Variants in KDM4C observed in about 807,000 individuals in gnomAD.
The protein encoded by KDM4C is lysine-specific demethylase 4C.
Under a neutral mutation model 129.3 loss-of-function variants are expected in KDM4C, and 81 were observed. The observed-to-expected ratio is 0.63, with a 90% CI of 0.52 to 0.75. The LOEUF is 0.75. Among genes scored for constraint, KDM4C ranks in the 30% least tolerant of loss-of-function variants. The probability of loss-of-function intolerance (pLI) is 0.00; values close to 1 mark genes in which losing one functional copy is unlikely to be tolerated. For synonymous variants in KDM4C, 573 were observed against 456.1 expected, an observed-to-expected ratio of 1.26 and a Z score of -3.26; for missense variants, 1,457 against 1,304.0, an observed-to-expected ratio of 1.12 and a Z score of -1.81.
intron 8 of KDM4C, among the ~76,000 whole-genome samples, chr9:6,909,836 G>A (rs1818954454): frequency 6.6e-6 from 1 of 152,114 alleles, no homozygotes; most frequent in African/African-American, 2.4e-5. Context: ...AGAAAATATA[G>A]GGGAGTATTT....
At chr9:6,929,683 ACT>A (rs1436557888) in intron 8 of KDM4C, among the ~76,000 whole-genome samples, 1 of 151,668 alleles carries the variant, frequency 6.6e-6, no homozygotes, top group Non-Finnish European at 1.5e-5. Context: ...GGTTGAGGTC[ACT>A]CTGCTGGAGT....
chr9:7,049,012 C>A (rs1313548856), intron 16 of KDM4C, 80 bp from the exon 17 acceptor site: 5 of 873,110 alleles, frequency 5.7e-6, no homozygotes, highest in East Asian at 4.9e-5. Flanking sequence ...TATTTCCCAT[C>A]TGTGAGAACT....
chr9:6,982,442 A>G (rs554664369), intron 9 of KDM4C: 3 of 152,332 alleles, frequency 2.0e-5, no homozygotes, highest in Non-Finnish European at 4.4e-5. Context: ...AATAGAATAA[A>G]AAGTATTATA....
intron 4 of KDM4C, among the ~76,000 whole-genome samples, chr9:6,828,891 T>C (rs1304563882): frequency 1.3e-5 from 2 of 152,058 alleles, no homozygotes; most frequent in Admixed American, 6.6e-5. Flanking sequence ...AAAATTGGGT[T>C]GGATAGGATG....
chr9:6,987,332 C>T (rs1393699159), intron 11 of KDM4C, among the ~76,000 whole-genome samples: 1 of 152,198 alleles, frequency 6.6e-6, no homozygotes, highest in Non-Finnish European at 1.5e-5. Context: ...TATTTAGCTT[C>T]CCATTGTGAC....
chr9:6,743,332 C>T (rs1163356785), intron 1 of KDM4C, among the ~76,000 whole-genome samples: 1 of 152,142 alleles, frequency 6.6e-6, no homozygotes, highest in African/African-American at 2.4e-5. Context: ...CTATAACCAG[C>T]ACCCCGCACA....
At chr9:6,767,687 C>T (rs1820920037) in intron 1 of KDM4C, among the ~76,000 whole-genome samples, 1 of 152,146 alleles carries the variant, frequency 6.6e-6, no homozygotes, top group Non-Finnish European at 1.5e-5. Flanking sequence ...TCTTGAAGTC[C>T]TGACCTCAGG....
At chr9:6,903,037 C>A (rs1817671115) in intron 8 of KDM4C, among the ~76,000 whole-genome samples, 1 of 152,122 alleles carries the variant, frequency 6.6e-6, no homozygotes, top group South Asian at 2.1e-4. Flanking sequence ...GAGATTACTG[C>A]TAAGCTTTGA....
At chr9:7,155,964 C>T (rs559012125) in intron 19 of KDM4C, among the ~76,000 whole-genome samples, 147 of 152,328 alleles carry the variant, frequency 9.7e-4, no homozygotes, top group African/African-American at 3.1e-3. Flanking sequence ...AACTAATTTA[C>T]ACTCCCACCA....
chr9:7,105,460 C>A (rs1182021181), intron 18 of KDM4C: 4 of 470,826 alleles, frequency 8.5e-6, no homozygotes, highest in African/African-American at 2.0e-5. Flanking sequence ...ACTACTTCTG[C>A]TGCTGCTGCT....
intron 4 of KDM4C, among the ~76,000 whole-genome samples, chr9:6,820,714 C>CTTTT (rs35264767): frequency 3.1e-5 from 4 of 127,154 alleles, no homozygotes; most frequent in Admixed American, 8.0e-5. Context: ...CTCTCTCTCT[C>CTTTT]TTTTTTTTTT....
At chr9:7,062,229 A>C (rs186128632) in intron 17 of KDM4C, among the ~76,000 whole-genome samples, 3 of 152,138 alleles carry the variant, frequency 2.0e-5, no homozygotes, top group Admixed American at 1.3e-4. Flanking sequence ...TGGCCTCCCA[A>C]AGTGCTGGGA....
chr9:6,824,782 C>T (rs987715846), intron 4 of KDM4C, among the ~76,000 whole-genome samples: 4 of 151,752 alleles, frequency 2.6e-5, no homozygotes, highest in African/African-American at 9.7e-5. Context: ...ACTGTATTTC[C>T]CCAATTAAAA....
chr9:7,029,670 A>G (rs1826400022), intron 15 of KDM4C, among the ~76,000 whole-genome samples: 1 of 152,196 alleles, frequency 6.6e-6, no homozygotes, highest in Non-Finnish European at 1.5e-5. Context: ...AGCATTTGGT[A>G]GATGTTTCTC....
intron 1 of KDM4C, among the ~76,000 whole-genome samples, chr9:6,742,251 T>C (rs1344194114): frequency 2.0e-5 from 3 of 150,766 alleles, no homozygotes; most frequent in Non-Finnish European, 4.4e-5. Flanking sequence ...CCTGACCTCG[T>C]CATCCGCCCG....
chr9:6,934,881 A>G (rs1055447241), intron 8 of KDM4C, among the ~76,000 whole-genome samples: 4 of 143,372 alleles, frequency 2.8e-5, no homozygotes, highest in African/African-American at 9.9e-5. Context: ...AAAAAATAAT[A>G]TTTCTTTTTT....
chr9:7,022,250 G>A (rs1176991386), intron 15 of KDM4C, among the ~76,000 whole-genome samples: 2 of 152,070 alleles, frequency 1.3e-5, no homozygotes, highest in African/African-American at 4.8e-5. Flanking sequence ...GGATAGTGTG[G>A]ACATTTCAAC....
rs184833670 is a variant in KDM4C at position 6,744,490 on chromosome 9, C to A, written c.49+23493C>A. Among the ~76,000 whole-genome samples the A allele has an allele frequency of 4.2e-3, 634 of 151,832 alleles. 2 individuals are homozygous for A. Among genetic ancestry groups the A allele is most frequent in the African/African-American group, 5.4e-3 (223 of 41,396 alleles). On this transcript the variant is annotated intron_variant, in intron 1 of 17. Transcript: ENST00000536108. The stretch of plus-strand genomic sequence containing the variant: ...CAGTGAGCTGAGATCGCACCACTGC[C>A]CTCCAGTGTGGCGACAAAGTGAGAC...
intron 8 of KDM4C, among the ~76,000 whole-genome samples, chr9:6,949,034 G>T (rs1412341784): frequency 6.6e-6 from 1 of 151,906 alleles, no homozygotes; most frequent in South Asian, 2.1e-4. Context: ...GGGCAGAGGG[G>T]CTCCTCACTT....
Sources: allele counts gnomAD v4.1 joint callset (sites outside exome capture counted in the v4.1 genomes callset), GRCh38; gene constraint gnomAD v4.1.1; transcripts MANE v1.5; gene names NCBI Gene and HGNC (gene_info 2026-07-23, HGNC 2026-07-21).